Variants in DHX32 observed in about 807,000 individuals in gnomAD.
The protein encoded by DHX32 is DEAH-box helicase 32 (putative).
Under a neutral mutation model 70.0 loss-of-function variants are expected in DHX32, and 51 were observed. That is an observed-to-expected ratio of 0.73 (90% confidence interval 0.58 to 0.92). The LOEUF is 0.92. Ranked by LOEUF, DHX32 falls within the 40% of genes least tolerant of loss-of-function variation. The probability of loss-of-function intolerance (pLI) is 0.00; values close to 1 mark genes in which losing one functional copy is unlikely to be tolerated. For synonymous variants in DHX32, 310 were observed against 315.3 expected (o/e 0.98, Z 0.18); for missense variants, 762 against 891.8 (o/e 0.85, Z 1.85).
intron 10 of DHX32, among the ~76,000 whole-genome samples, chr10:125,837,262 A>C (rs941508430): frequency 6.6e-6 from 1 of 152,206 alleles, no homozygotes; most frequent in Non-Finnish European, 1.5e-5. Context: ...TGCGTAAGCC[A>C]GACATCTATG....
At chr10:125,850,401 A>G (rs1236734957) in intron 6 of DHX32, among the ~76,000 whole-genome samples, 1 of 127,774 alleles carries the variant, frequency 7.8e-6, no homozygotes, top group African/African-American at 3.1e-5. Context: ...CTTGTTGCCC[A>G]GGCTGCAGTG....
chr10:125,851,302 G>A (rs1944086437), intron 6 of DHX32, among the ~76,000 whole-genome samples: 1 of 152,176 alleles, frequency 6.6e-6, no homozygotes, highest in Admixed American at 6.5e-5. Context: ...GTATTGTCAG[G>A]AGACAAAAAT....
intron 9 of DHX32, 107 bp downstream of exon 9, chr10:125,838,894 A>T: frequency 8.0e-7 from 1 of 1,246,440 alleles, no homozygotes; most frequent in Non-Finnish European, 1.1e-6. Flanking sequence ...ATGGATTTTT[A>T]GTTTTACTTA....
chr10:125,837,382 C>T (rs1173404742), intron 10 of DHX32, among the ~76,000 whole-genome samples: 3 of 152,238 alleles, frequency 2.0e-5, no homozygotes, highest in Non-Finnish European at 4.4e-5. Context: ...AGTAGTCTCA[C>T]TCTTGCCATT....
chr10:125,880,786 A>T lies in DHX32; in HGVS notation c.39T>A (p.Ser13=). ...GGGATTCAGGAAAATAGCGTTTTTC[A>T]GAGGAAGAGTTTGGACACTCCAGCC... ...EEGLECPNSS[S]EKRYFPESLD... is the part of the protein sequence containing the mutation. Residue 13 remains serine, a synonymous_variant, in exon 1 of 11, where the codon TCT becomes TCA. Coordinates refer to ENST00000284690, the MANE Select transcript of DHX32 (RefSeq NM_018180.3). 6.2e-7 allele frequency: 1 copy of T among 1,614,194 alleles called. No individual in the cohort carries two copies. The highest frequency in any genetic ancestry group is 8.5e-7 in the Non-Finnish European group (1 of 1,180,022).
chr10:125,853,473 A>G (rs545635626), intron 4 of DHX32: 7 of 258,414 alleles, frequency 2.7e-5, no homozygotes, highest in South Asian at 1.5e-4. Flanking sequence ...TGAAAATTTT[A>G]TCGTCAATTA....
chr10:125,870,633 T>C (rs1264353488), intron 1 of DHX32, among the ~76,000 whole-genome samples: 1 of 152,002 alleles, frequency 6.6e-6, no homozygotes, highest in African/African-American at 2.4e-5. Context: ...GGTCAGGAGT[T>C]TGAGGCTAAC....
chr10:125,843,936 T>C (rs2134031508), intron 6 of DHX32, among the ~76,000 whole-genome samples: 1 of 152,218 alleles, frequency 6.6e-6, no homozygotes, highest in South Asian at 2.1e-4. Context: ...TTGGGGCAAA[T>C]ATGTTGAATT....
intron 1 of DHX32, among the ~76,000 whole-genome samples, chr10:125,895,601 T>C (rs1301022152): frequency 4.0e-4 from 60 of 151,054 alleles, no homozygotes; most frequent in Admixed American, 2.0e-4. Flanking sequence ...TGAATCACTG[T>C]GTTTTAAAAC....
At chr10:125,864,929 CAAAAAAAAAA>C (rs61570718) in intron 2 of DHX32, among the ~76,000 whole-genome samples, 1 of 54,212 alleles carries the variant, frequency 1.8e-5, no homozygotes, top group Non-Finnish European at 3.1e-5. Context: ...GACTCTGTCT[CAAAAAAAAAA>C]AAAAAAAAAA....
chr10:125,866,882 A>C lies in DHX32; in HGVS notation c.476+108T>G. ...GATGACAGAGACCAGTTGCTACTGC[A>C]CAGCATAGATGCTTAACAGGTAGAA... On this transcript the variant is annotated intron_variant, in intron 2 of 10. Transcript: ENST00000284690. This position sits in a 1 kb window ranked among gnomAD's most constrained non-coding sequence, Gnocchi z 4.8. 1 of 1,236,172 alleles carries C rather than the reference A, an allele frequency of 8.1e-7. No individual in the cohort carries two copies. Among genetic ancestry groups the C allele is most frequent in the South Asian group, 1.4e-5 (1 of 69,500 alleles). 76.6% of individuals were successfully genotyped at this position (1,236,172 alleles called of 1,614,324 possible).
At chr10:125,889,001 A>T (rs2134081085) in intron 1 of DHX32, among the ~76,000 whole-genome samples, 1 of 152,338 alleles carries the variant, frequency 6.6e-6, no homozygotes, top group Admixed American at 6.5e-5. Flanking sequence ...CGGAGGTTGC[A>T]GTGAGCTGAA....
chr10:125,843,466 G>T (rs1172596577), intron 6 of DHX32, among the ~76,000 whole-genome samples: 1 of 152,120 alleles, frequency 6.6e-6, no homozygotes, highest in Non-Finnish European at 1.5e-5. Flanking sequence ...CAAAAAATTA[G>T]CCGGGCGTGG....
At chr10:125,876,803 C>A (rs1394395807) in intron 1 of DHX32, among the ~76,000 whole-genome samples, 3 of 152,078 alleles carry the variant, frequency 2.0e-5, no homozygotes, top group Non-Finnish European at 4.4e-5. Context: ...GATTTTGGAC[C>A]AGAAAAACAA....
intron 8 of DHX32, 103 bp from the exon 9 acceptor site, chr10:125,839,291 C>T: frequency 3.2e-6 from 4 of 1,234,040 alleles, no homozygotes; most frequent in Non-Finnish European, 4.5e-6. Flanking sequence ...CTCTCCTCTC[C>T]TACAAAGGAG....
rs751689439 is a variant in DHX32 at position 125,880,594 on chromosome 10, T to C, written c.231A>G (p.Gln77=). 1.9e-6 allele frequency: 3 copies of C among 1,613,290 alleles called. No individual in the cohort carries two copies. The African/African-American group carries it at 4.0e-5, about 22-fold the overall frequency. ...CTCCTGAAACAATCACGATTTGATT[T>C]TGAAGCAGGTTCTCCATAAAGGAGT... is the stretch of plus-strand genomic sequence containing the variant. ...EKYSFMENLL[Q]NQIVIVSGDA... The change falls in exon 1 of 11, where the codon CAA becomes CAG. Residue 77 remains glutamine (Q), a synonymous_variant. Transcript: ENST00000284690.
At chr10:125,867,296 A>G in intron 1 of DHX32, 113 bp from the exon 2 acceptor site, 1 of 851,304 alleles carries the variant, frequency 1.2e-6, no homozygotes, top group Non-Finnish European at 1.8e-6. Context: ...TCAGTAAATC[A>G]GCAGTGGGCT....
rs1005754612 is a variant in DHX32, at chr10:125,880,789, G to C, written c.36C>G (p.Ser12=). Residue 12 remains serine, a synonymous_variant, in exon 1 of 11, where the codon TCC becomes TCG. Transcript: ENST00000284690. ...ATTCAGGAAAATAGCGTTTTTCAGAGGAAGAGTTTGGACACTCCAGCCCTT... is the reference window on the plus strand; with the variant it reads ...ATTCAGGAAAATAGCGTTTTTCAGACGAAGAGTTTGGACACTCCAGCCCTT... The part of the protein sequence containing the change: ...EEEGLECPNS[S]SEKRYFPESL... The C allele has an allele frequency of 6.2e-7, 1 of 1,614,134 alleles. No individual in the cohort carries two copies. Among genetic ancestry groups the C allele is most frequent in the Non-Finnish European group, 8.5e-7 (1 of 1,180,012 alleles).
At position 125,854,068 on chromosome 10, in the gene DHX32, A is replaced by G. The variant is rs373997599; in HGVS notation, c.985T>C (p.Cys329Arg). 211 of 1,614,012 alleles carry G rather than the reference A, an allele frequency of 1.3e-4. No individual in the cohort carries two copies. Among genetic ancestry groups the G allele is most frequent in the Non-Finnish European group, 1.7e-4 (205 of 1,180,010 alleles). Residue 329 changes from cysteine to arginine, a missense_variant, in exon 4 of 11, where the codon TGC becomes CGC. Physicochemically the swap from Cys to Arg is radical, Grantham distance 180 (BLOSUM62 -3). Coordinates refer to ENST00000284690, the MANE Select transcript of DHX32 (RefSeq NM_018180.3). ...FKPLDETEKR[C>R]QVYQRRVVLT... Reference sequence around the variant, plus strand: ...ACCACTCTTCTTTGATAAACTTGGCATCTTTTTTCTGTTTCATCGAGTGGC... The same window carrying G: ...ACCACTCTTCTTTGATAAACTTGGCGTCTTTTTTCTGTTTCATCGAGTGGC...
Sources: allele counts gnomAD v4.1 joint callset (sites outside exome capture counted in the v4.1 genomes callset), GRCh38; gene constraint gnomAD v4.1.1; non-coding constraint Gnocchi (gnomAD v3.1); transcripts MANE v1.5; gene names NCBI Gene and HGNC (gene_info 2026-07-23, HGNC 2026-07-21).